The following CCDC163 variants were observed in gnomAD, a reference collection of about 807,000 sequenced individuals.
The protein encoded by CCDC163 is transmembrane protein CCDC163.
In CCDC163, 13 loss-of-function variants were observed where a neutral mutation model predicts 8.2. That is an observed-to-expected ratio of 1.59 (90% CI 1.04 to 2.54). The LOEUF (loss-of-function observed/expected upper bound fraction) is 2.54. Among genes scored for constraint, CCDC163 ranks in the 30% most tolerant of loss-of-function variants. The pLI, the probability that CCDC163 is intolerant of heterozygous loss-of-function variation, is 0.00. For synonymous variants in CCDC163, 41 were observed against 30.9 expected, an observed-to-expected ratio of 1.33 and a Z score of -1.08; for missense variants, 117 against 78.6, an observed-to-expected ratio of 1.49 and a Z score of -1.85.
At position 45,493,892 on chromosome 1, in the gene CCDC163, A is replaced by G. The variant is rs1479754591; in HGVS notation, c.*1167T>C. 6.6e-6 allele frequency: 1 copy of G among 152,220 alleles called. No individual in the cohort carries two copies. Among genetic ancestry groups the G allele is most frequent in the Non-Finnish European group, 1.5e-5 (1 of 68,038 alleles). The allele number at this position is 152,220 out of a possible 1,614,324, so 9.4% of individuals were successfully genotyped here. ...TAGTCACAAGGCATTTTTTAATGAA[A>G]TATAATAGAAAATATCAGTGTATCA... On this transcript the variant is annotated 3_prime_UTR_variant, in exon 5 of 5. Transcript: ENST00000629482.
Position 45,494,875 on chromosome 1 carries a change from C to T in CCDC163, c.*184G>A, listed in dbSNP as rs1207582023. Reference sequence around the variant, plus strand: ...AGGACAATTGCTTGAACCTGGGAGGCGGAGGTTGCAGTGAGCTGAGATGGG... The same window carrying T: ...AGGACAATTGCTTGAACCTGGGAGGTGGAGGTTGCAGTGAGCTGAGATGGG... On this transcript the variant is annotated 3_prime_UTR_variant, in exon 5 of 5. Coordinates refer to ENST00000629482, the MANE Select transcript of CCDC163 (RefSeq NM_001102601.3). The T allele has an allele frequency of 1.1e-4, 67 of 585,540 alleles. No homozygotes were observed. The highest frequency in any genetic ancestry group is 4.5e-4 in the Middle Eastern group (1 of 2,218). 36.3% of individuals were successfully genotyped at this position (585,540 alleles called of 1,614,324 possible).
intron 2 of CCDC163, 143 bp downstream of exon 2, chr1:45,499,199 GGAA>G: frequency 1.5e-6 from 1 of 654,272 alleles, no homozygotes; most frequent in Non-Finnish European, 2.8e-6. Flanking sequence ...GAGGAAATAA[GGAA>G]GGGTTAAGTG....
chr1:45,495,226 G>C, intron 4 of CCDC163, 60 bp from the exon 5 acceptor site: 1 of 779,338 alleles, frequency 1.3e-6, no homozygotes, highest in Non-Finnish European at 2.4e-6. Context: ...GATATGCATA[G>C]AACTAGGCCC....
rs1441791474 is a variant in CCDC163, at chr1:45,493,976, C to T, written c.*1083G>A. On this transcript the variant is annotated 3_prime_UTR_variant, in exon 5 of 5. Transcript: ENST00000629482. ...TTTTATTTCAGTTAATAAATCTACA[C>T]ACATATTTACTAGGTCACAATGTAA... is the stretch of plus-strand genomic sequence containing the variant. 1 of 152,110 alleles carries T rather than the reference C, an allele frequency of 6.6e-6. No homozygotes were observed. The highest frequency in any genetic ancestry group is 1.5e-5 in the Non-Finnish European group (1 of 68,024). The allele number at this position is 152,110 out of a possible 1,614,324, so 9.4% of individuals were successfully genotyped here.
intron 4 of CCDC163, 94 bp from the exon 5 acceptor site, chr1:45,495,260 C>T (rs941556819): frequency 6.0e-5 from 45 of 755,186 alleles, no homozygotes; most frequent in Admixed American, 4.4e-4. Flanking sequence ...TAGAGAGGGA[C>T]ATAGAGGACT....
At position 45,497,311 on chromosome 1, in the gene CCDC163, G is replaced by A. The variant is rs72898310; in HGVS notation, c.250C>T (p.Gln84Ter). ...EIMQKELKLL[Q>*]YQLSQHQELL... ...ACCTTTTACTTACTCAACTGGTACTGCAGCAACTTCAATTCCTTCTGCATA... is the reference window on the plus strand; with the variant it reads ...ACCTTTTACTTACTCAACTGGTACTACAGCAACTTCAATTCCTTCTGCATA... The change falls in exon 3 of 5, where the codon CAG (glutamine) becomes TAG (stop). Residue 84 changes from glutamine (Q) to a stop codon, truncating the protein, a stop_gained. Transcript: ENST00000629482. LOFTEE classifies it high-confidence loss of function. The A allele has an allele frequency of 0.016, 12,113 of 779,848 alleles. 1,044 individuals carry two copies. The African/African-American group carries it at 0.18, about 12-fold the overall frequency. 48.3% of individuals were successfully genotyped at this position (779,848 alleles called of 1,614,324 possible). A position where few individuals can be genotyped will look rare whatever the true frequency, so the allele number is the denominator to read the frequency against.
At chr1:45,497,751 G>T (rs1643375200) in intron 2 of CCDC163, among the ~76,000 whole-genome samples, 1 of 24,536 alleles carries the variant, frequency 4.1e-5, no homozygotes, top group Non-Finnish European at 8.4e-5. Flanking sequence ...CGTCTGGGAG[G>T]GAGGTGGGGG....
At chr1:45,495,273 C>A in intron 4 of CCDC163, 107 bp from the exon 5 acceptor site, 1 of 733,452 alleles carries the variant, frequency 1.4e-6, no homozygotes, top group Non-Finnish European at 2.5e-6. Context: ...AGAGGACTGA[C>A]AGGATAAACA....
In CCDC163 at chr1:45,493,994, C is replaced by T. The variant is rs1653860338; in HGVS notation, c.*1065G>A. 1 of 152,138 alleles carries T rather than the reference C, an allele frequency of 6.6e-6. No individual in the cohort carries two copies. Among genetic ancestry groups the T allele is most frequent in the South Asian group, 2.1e-4 (1 of 4,830 alleles). The allele number at this position is 152,138 out of a possible 1,614,324, so 9.4% of individuals were successfully genotyped here. A position where few individuals can be genotyped will look rare whatever the true frequency, so the allele number is the denominator to read the frequency against. On this transcript the variant is annotated 3_prime_UTR_variant, in exon 5 of 5. Coordinates refer to ENST00000629482, the MANE Select transcript of CCDC163 (RefSeq NM_001102601.3). ...ATCTACACACATATTTACTAGGTCA[C>T]AATGTAAATTGTATTTCTTACTGGA...
At chr1:45,496,316 C>T (rs1005205241) in intron 4 of CCDC163, 3 of 608,498 alleles carry the variant, frequency 4.9e-6, no homozygotes, top group Admixed American at 2.3e-5. Flanking sequence ...TCTCCCTCCC[C>T]ATGACTGTCC....
Position 45,494,056 on chromosome 1 carries a change from G to A in CCDC163, c.*1003C>T, listed in dbSNP as rs1177861956. ...AAAAATTCTTAAAGCCACTGGATTA[G>A]AGGCAGAGAGACTGAAAGAAGAGAC... On this transcript the variant is annotated 3_prime_UTR_variant, in exon 5 of 5. Transcript: ENST00000629482. 6.6e-6 allele frequency: 1 copy of A among 152,276 alleles called. No individual in the cohort carries two copies. The highest frequency in any genetic ancestry group is 1.5e-5 in the Non-Finnish European group (1 of 68,032). 9.4% of individuals were successfully genotyped at this position (152,276 alleles called of 1,614,324 possible). A position where few individuals can be genotyped will look rare whatever the true frequency, so the allele number is the denominator to read the frequency against.
Position 45,499,611 on chromosome 1 carries a change from T to C in CCDC163, c.-2A>G, listed in dbSNP as rs745876909. 1.3e-6 allele frequency: 1 copy of C among 767,202 alleles called. No individual in the cohort carries two copies. The highest frequency in any genetic ancestry group is 2.4e-6 in the Non-Finnish European group (1 of 411,614). The allele number at this position is 767,202 out of a possible 1,614,324, so 47.5% of individuals were successfully genotyped here. On this transcript the variant is annotated 5_prime_UTR_variant, in exon 1 of 5. Transcript: ENST00000629482. ...AAACCAGCTGAGGCTCGTATTCATA[T>C]CCTGTGGCAGGGGAGCGGCAGGGGT... is the stretch of plus-strand genomic sequence containing the variant.
At chr1:45,499,291 G>A (rs1014468842) in intron 2 of CCDC163, 54 bp downstream of exon 2, 1 of 732,162 alleles carries the variant, frequency 1.4e-6, no homozygotes, top group Admixed American at 2.0e-5. Context: ...TACGGGCACT[G>A]GAGGAAGGCA....
Position 45,495,254 on chromosome 1 carries a change from G to A in CCDC163, c.331-88C>T. On this transcript the variant is annotated intron_variant, in intron 4 of 4. Transcript: ENST00000629482. ...CTAGGCCCTAGGCCTTTCTAATAGA[G>A]AGGGACATAGAGGACTGACAGGATA... The A allele has an allele frequency of 4.0e-6, 3 of 757,304 alleles. No homozygotes were observed. In the South Asian group the frequency reaches 4.2e-5, roughly 11 times the overall value. The allele number at this position is 757,304 out of a possible 1,614,324, so 46.9% of individuals were successfully genotyped here. A position where few individuals can be genotyped will look rare whatever the true frequency, so the allele number is the denominator to read the frequency against.
chr1:45,497,722 C>A (rs1570805458), intron 2 of CCDC163, among the ~76,000 whole-genome samples: 1 of 36,660 alleles, frequency 2.7e-5, no homozygotes, highest in Admixed American at 3.0e-4. Context: ...GGGTCAGCCC[C>A]CCGCCAGGCC....
Position 45,499,700 on chromosome 1 carries a change from G to A in CCDC163, c.-91C>T, listed in dbSNP as rs1013262048. On this transcript the variant is annotated 5_prime_UTR_variant, in exon 1 of 5. Transcript: ENST00000629482. ...GGATACCCAAGGTATCCCCAGGAAA[G>A]GCCACCACGTTAGATGGAAAGAGGG... 2.0e-4 allele frequency: 136 copies of A among 690,642 alleles called. No individual in the cohort carries two copies. Among genetic ancestry groups the A allele is most frequent in the Admixed American group, 6.3e-4 (28 of 44,368 alleles). 42.8% of individuals were successfully genotyped at this position (690,642 alleles called of 1,614,324 possible).
At chr1:45,497,126 T>C (rs890811452) in intron 3 of CCDC163, among the ~76,000 whole-genome samples, 173 bp downstream of exon 3, 1 of 151,948 alleles carries the variant, frequency 6.6e-6, no homozygotes, top group African/African-American at 2.4e-5. Flanking sequence ...TGAGCCAAGA[T>C]TGCGCCATTG....
In CCDC163 at chr1:45,500,031, G is replaced by T. The variant is rs3748643; in HGVS notation, c.-422C>A. 373,055 of 519,220 alleles carry T rather than the reference G, an allele frequency of 0.72. 135,946 individuals are homozygous for T. The highest frequency in any genetic ancestry group is 0.95 in the East Asian group (27,053 of 28,512). The allele number at this position is 519,220 out of a possible 1,614,324, so 32.2% of individuals were successfully genotyped here. A position where few individuals can be genotyped will look rare whatever the true frequency, so the allele number is the denominator to read the frequency against. ...CCGCAGCGCCACCTGGGAAACTGAG[G>T]TCGCCTCTTGCGAACACAACCGGCG... is the stretch of plus-strand genomic sequence containing the variant. On this transcript the variant is annotated 5_prime_UTR_variant, in exon 1 of 5. Transcript: ENST00000629482.
chr1:45,497,655 T>C (rs1272400315), intron 2 of CCDC163, among the ~76,000 whole-genome samples: 34 of 96,350 alleles, frequency 3.5e-4, no homozygotes, highest in Non-Finnish European at 4.5e-4. Flanking sequence ...CCACCCCGTC[T>C]GGGAAGTGAG....
Sources: allele counts gnomAD v4.1 joint callset (sites outside exome capture counted in the v4.1 genomes callset), GRCh38; gene constraint gnomAD v4.1.1; transcripts MANE v1.5; gene names NCBI Gene and HGNC (gene_info 2026-07-23, HGNC 2026-07-21).